Variants in NWD2 observed in about 807,000 individuals in gnomAD.
NWD2 encodes NACHT and WD repeat domain-containing protein 2.
A neutral mutation model predicts 132.7 loss-of-function variants in NWD2; 37 were observed. The observed-to-expected ratio is 0.28, with a 90% CI of 0.21 to 0.37. NWD2 has a LOEUF of 0.37. NWD2 is among the 10% of genes least tolerant of loss of function. The pLI, the probability that NWD2 is intolerant of heterozygous loss-of-function variation, is 1.00. For missense variants in NWD2, 1,592 were observed against 2,122.4 expected (o/e 0.75, Z 4.91); for synonymous variants, 705 against 803.0 (o/e 0.88, Z 2.06).
At chr4:37,433,039 T>G (rs1199796911) in intron 4 of NWD2, among the ~76,000 whole-genome samples, 1 of 152,200 alleles carries the variant, frequency 6.6e-6, no homozygotes, top group Non-Finnish European at 1.5e-5. Context: ...CATTCTGGTA[T>G]CCAACATAAC....
At chr4:37,387,414 C>T (rs1160540261) in intron 3 of NWD2, among the ~76,000 whole-genome samples, 2 of 152,008 alleles carry the variant, frequency 1.3e-5, no homozygotes, top group East Asian at 1.9e-4. Flanking sequence ...AGTAGCCATT[C>T]GGGGCTAATG....
chr4:37,319,303 C>T (rs77397581), intron 1 of NWD2, among the ~76,000 whole-genome samples: 3,752 of 151,884 alleles, frequency 0.025, 151 homozygotes, highest in African/African-American at 0.086. Context: ...TGTCTTTTGC[C>T]CATTTTTTAC....
chr4:37,446,924 G>C lies in NWD2; in HGVS notation c.4936G>C (p.Val1646Leu). ...TGGGAGTATAGGGATCTACACGGTA[G>C]TAGACCGTGTAGATGCTGCACTGAA... ...DDGSIGIYTV[V>L]DRVDAALKIK... The change falls in exon 7 of 7, where the codon GTA becomes CTA. Residue 1646 changes from valine (V) to leucine (L), a missense_variant. By Grantham distance (32) the Val-to-Leu change is conservative. Transcript: ENST00000309447. The surrounding 1 kb of genome is among the most constrained non-coding windows in gnomAD (Gnocchi z 6.7). The C allele has an allele frequency of 6.4e-7, 1 of 1,551,552 alleles. No individual in the cohort carries two copies.
intron 1 of NWD2, among the ~76,000 whole-genome samples, chr4:37,273,166 A>T (rs1717909640): frequency 6.6e-6 from 1 of 151,666 alleles, no homozygotes; most frequent in African/African-American, 2.4e-5. Context: ...CTGGATATAA[A>T]TTTTTCTAGT....
At chr4:37,384,319 A>G (rs1280383989) in intron 3 of NWD2, among the ~76,000 whole-genome samples, 2 of 152,164 alleles carry the variant, frequency 1.3e-5, no homozygotes, top group Non-Finnish European at 2.9e-5. Flanking sequence ...ACTGCAGCAC[A>G]TTCTTCAAAG....
At chr4:37,248,576 A>G (rs899510490) in intron 1 of NWD2, among the ~76,000 whole-genome samples, 1 of 152,280 alleles carries the variant, frequency 6.6e-6, no homozygotes, top group African/African-American at 2.4e-5. Flanking sequence ...TCATTTAGCT[A>G]CTGTACTTCT....
chr4:37,361,887 C>G (rs1435040125), intron 3 of NWD2, among the ~76,000 whole-genome samples: 1 of 152,170 alleles, frequency 6.6e-6, no homozygotes, highest in African/African-American at 2.4e-5. Flanking sequence ...GAAACTGTCT[C>G]TCTCCATGTA....
chr4:37,355,021 C>T, intron 2 of NWD2, among the ~76,000 whole-genome samples: 1 of 152,120 alleles, frequency 6.6e-6, no homozygotes, highest in African/African-American at 2.4e-5. Context: ...CAACTCTGAT[C>T]AGTGGAACTT....
At chr4:37,365,640 C>T (rs1295389271) in intron 3 of NWD2, among the ~76,000 whole-genome samples, 6 of 152,160 alleles carry the variant, frequency 3.9e-5, no homozygotes, top group Admixed American at 3.9e-4. Flanking sequence ...GACTTGATAT[C>T]ACCAAAAGAG....
At chr4:37,265,934 T>C (rs1425977449) in intron 1 of NWD2, among the ~76,000 whole-genome samples, 1 of 152,032 alleles carries the variant, frequency 6.6e-6, no homozygotes, top group East Asian at 1.9e-4. Flanking sequence ...TTATTTAGCT[T>C]ACCTTAAACA....
At chr4:37,290,707 A>G (rs900122499) in intron 1 of NWD2, among the ~76,000 whole-genome samples, 18 of 152,234 alleles carry the variant, frequency 1.2e-4, no homozygotes, top group African/African-American at 3.9e-4. Context: ...AGAGGGATGC[A>G]GTAAAAGGTG....
chr4:37,344,275 T>C (rs1719587193), intron 2 of NWD2, among the ~76,000 whole-genome samples: 1 of 152,160 alleles, frequency 6.6e-6, no homozygotes, highest in East Asian at 1.9e-4. Context: ...CAAAATGGTG[T>C]TTTGTATTGC....
chr4:37,387,505 T>G (rs976667577), intron 3 of NWD2, among the ~76,000 whole-genome samples: 10 of 151,618 alleles, frequency 6.6e-5, no homozygotes, highest in African/African-American at 2.4e-4. Flanking sequence ...ATATCATGTT[T>G]TCACCCTCTC....
intron 2 of NWD2, among the ~76,000 whole-genome samples, chr4:37,345,583 T>C: frequency 6.6e-6 from 1 of 152,016 alleles, no homozygotes; most frequent in East Asian, 1.9e-4. Flanking sequence ...TAGGAGTTCT[T>C]TATGTATTCT....
intron 1 of NWD2, among the ~76,000 whole-genome samples, chr4:37,277,749 A>T (rs922792584): frequency 6.6e-6 from 1 of 152,100 alleles, no homozygotes; most frequent in African/African-American, 2.4e-5. Flanking sequence ...CCTTGAGTAT[A>T]TGTCACACTT....
Position 37,443,220 on chromosome 4 carries a change from C to T in NWD2, c.1297-65C>T. On this transcript the variant is annotated intron_variant, in intron 6 of 6. Coordinates refer to ENST00000309447, the MANE Select transcript of NWD2 (RefSeq NM_001144990.2). The surrounding 1 kb of genome is among the most constrained non-coding windows in gnomAD (Gnocchi z 4.1). ...CAGAAATCTGAGCTCTGGAGAGAGG[C>T]AATGTTATCACATATGACCATGTGA... 1 of 1,329,850 alleles carries T rather than the reference C, an allele frequency of 7.5e-7. No individual in the cohort carries two copies. The highest frequency in any genetic ancestry group is 2.5e-5 in the East Asian group (1 of 39,530). 82.4% of individuals were successfully genotyped at this position (1,329,850 alleles called of 1,614,324 possible).
chr4:37,334,208 C>T (rs567196291), intron 2 of NWD2, among the ~76,000 whole-genome samples: 33 of 152,234 alleles, frequency 2.2e-4, no homozygotes, highest in African/African-American at 7.9e-4. Flanking sequence ...TATAGAACAC[C>T]AAACAGATTT....
At chr4:37,362,394 TCAC>T (rs1342566908) in intron 3 of NWD2, among the ~76,000 whole-genome samples, 2 of 152,148 alleles carry the variant, frequency 1.3e-5, no homozygotes, top group Admixed American at 6.5e-5. Flanking sequence ...GCTGGAGGCA[TCAC>T]CACATTACCC....
chr4:37,260,192 C>A (rs893410813), intron 1 of NWD2, among the ~76,000 whole-genome samples: 4 of 152,066 alleles, frequency 2.6e-5, no homozygotes, highest in African/African-American at 9.7e-5. Flanking sequence ...ACGTTCTTGT[C>A]CTTGAGATAA....
Sources: gnomAD v4.1 joint callset for allele counts (sites outside exome capture counted in the v4.1 genomes callset) on GRCh38, gnomAD v4.1.1 for gene constraint, Gnocchi (gnomAD v3.1) non-coding constraint, MANE v1.5 for transcripts, NCBI Gene and HGNC (gene_info 2026-07-23, HGNC 2026-07-21) for gene names.